Variants in DLGAP2 observed in about 807,000 individuals in gnomAD.
The protein encoded by DLGAP2 is DLG associated protein 2, also known as disks large-associated protein 2.
DLGAP2 carries 26 observed loss-of-function variants against 100.3 expected under a neutral mutation model. The observed-to-expected ratio is 0.26, with a 90% CI of 0.19 to 0.36. The LOEUF (loss-of-function observed/expected upper bound fraction) is 0.36, where lower values mean the gene tolerates loss of function less well. DLGAP2 is among the 10% of genes least tolerant of loss of function. The pLI, the probability that DLGAP2 is intolerant of heterozygous loss-of-function variation, is 1.00. For synonymous variants in DLGAP2, 886 were observed against 630.1 expected, an observed-to-expected ratio of 1.41 and a Z score of -6.08; for missense variants, 1,858 against 1,453.2, an observed-to-expected ratio of 1.28 and a Z score of -4.53.
chr8:975,285 G>A (rs1196580966), intron 2 of DLGAP2, among the ~76,000 whole-genome samples: 1 of 152,078 alleles, frequency 6.6e-6, no homozygotes, highest in Non-Finnish European at 1.5e-5. Context: ...AAGCCCGCAT[G>A]GGTTCATTGG....
intron 2 of DLGAP2, among the ~76,000 whole-genome samples, chr8:1,050,518 C>T (rs1802647644): frequency 6.6e-6 from 1 of 152,130 alleles, no homozygotes; most frequent in African/African-American, 2.4e-5. Context: ...TGACTTACGG[C>T]ATTTTCAGCT....
At chr8:1,453,693 G>T (rs950597777) in intron 3 of DLGAP2, among the ~76,000 whole-genome samples, 4 of 152,236 alleles carry the variant, frequency 2.6e-5, no homozygotes, top group South Asian at 4.2e-4. Context: ...CTGAGAAGCG[G>T]GAGAATCCGC....
intron 2 of DLGAP2, among the ~76,000 whole-genome samples, chr8:1,074,659 G>A (rs1232732239): frequency 6.6e-6 from 1 of 152,194 alleles, no homozygotes; most frequent in Non-Finnish European, 1.5e-5. Context: ...TGTGAATTAG[G>A]TGGAAAATGG....
chr8:1,425,482 A>G (rs1797212723), intron 3 of DLGAP2, among the ~76,000 whole-genome samples: 1 of 152,188 alleles, frequency 6.6e-6, no homozygotes, highest in Admixed American at 6.5e-5. Context: ...TCTGATGGGA[A>G]CACTGTGCTT....
At chr8:1,577,255 C>T (rs1157181032) in intron 6 of DLGAP2, among the ~76,000 whole-genome samples, 3 of 152,098 alleles carry the variant, frequency 2.0e-5, no homozygotes, top group African/African-American at 7.2e-5. Flanking sequence ...AATACACATA[C>T]TTTGTCAATA....
At chr8:1,001,387 CT>C (rs906411958) in intron 2 of DLGAP2, among the ~76,000 whole-genome samples, 1 of 152,172 alleles carries the variant, frequency 6.6e-6, no homozygotes, top group African/African-American at 2.4e-5. Context: ...AATTTTTATC[CT>C]TTTTAGGCCA....
At chr8:1,591,286 AC>A (rs1796282105) in intron 6 of DLGAP2, among the ~76,000 whole-genome samples, 2 of 140,814 alleles carry the variant, frequency 1.4e-5, no homozygotes, top group South Asian at 2.3e-4. Context: ...GGTCACTCAC[AC>A]CCCCTCCCCC....
chr8:1,431,785 GA>G (rs914475331), intron 3 of DLGAP2, among the ~76,000 whole-genome samples: 8 of 152,206 alleles, frequency 5.3e-5, no homozygotes, highest in African/African-American at 1.7e-4. Flanking sequence ...TTTGTAAAAT[GA>G]AGACACTGAT....
At chr8:826,690 C>T (rs1430895030) in intron 1 of DLGAP2, among the ~76,000 whole-genome samples, 1 of 152,014 alleles carries the variant, frequency 6.6e-6, no homozygotes, top group Non-Finnish European at 1.5e-5. Context: ...CCTTCTCTGC[C>T]CGTCTGTGCT....
At chr8:1,151,552 G>T (rs565127113) in intron 2 of DLGAP2, among the ~76,000 whole-genome samples, 1 of 152,314 alleles carries the variant, frequency 6.6e-6, no homozygotes, top group Non-Finnish European at 1.5e-5. Context: ...CGTCTCTGAC[G>T]ATTCCGGTTG....
At chr8:1,285,716 C>T (rs1247282757) in intron 3 of DLGAP2, among the ~76,000 whole-genome samples, 1 of 152,194 alleles carries the variant, frequency 6.6e-6, no homozygotes, top group African/African-American at 2.4e-5. Context: ...TGCCTGTAAT[C>T]CCAATACTTT....
intron 4 of DLGAP2, among the ~76,000 whole-genome samples, chr8:1,538,935 G>C (rs1461247380): frequency 9.6e-5 from 14 of 146,306 alleles, no homozygotes. Context: ...GCCTAGGCTG[G>C]AATGCAATGG....
At chr8:881,656 CT>C (rs942526817) in intron 1 of DLGAP2, among the ~76,000 whole-genome samples, 1 of 65,964 alleles carries the variant, frequency 1.5e-5, no homozygotes, top group Non-Finnish European at 4.1e-5. Context: ...CACGCCACCA[CT>C]TGTGGCTGAA....
chr8:883,628 C>G (rs1193227778), intron 1 of DLGAP2, among the ~76,000 whole-genome samples: 1 of 151,562 alleles, frequency 6.6e-6, no homozygotes, highest in African/African-American at 2.4e-5. Context: ...CGGTTCGTTA[C>G]GTAGGAGCGC....
At chr8:1,657,220 ATC>A (rs1367434133) in intron 8 of DLGAP2, among the ~76,000 whole-genome samples, 1 of 152,208 alleles carries the variant, frequency 6.6e-6, no homozygotes, top group African/African-American at 2.4e-5. Flanking sequence ...TTGTTTAGTA[ATC>A]TCTGTCTCTG....
chr8:917,673 C>G (rs1004405865), intron 2 of DLGAP2, among the ~76,000 whole-genome samples: 1 of 152,174 alleles, frequency 6.6e-6, no homozygotes, highest in African/African-American at 2.4e-5. Context: ...CTCCACCTCC[C>G]AGGTTCAAAT....
intron 8 of DLGAP2, among the ~76,000 whole-genome samples, chr8:1,655,604 A>T (rs13277778): frequency 1.0e-5 from 1 of 96,664 alleles, no homozygotes; most frequent in Non-Finnish European, 2.3e-5. Context: ...ATAATTAAAC[A>T]TGTGTTTAAA....
chr8:1,249,626 C>A (rs1585190822), intron 2 of DLGAP2, among the ~76,000 whole-genome samples: 1 of 152,126 alleles, frequency 6.6e-6, no homozygotes, highest in Non-Finnish European at 1.5e-5. Context: ...TTTTCCTGAA[C>A]TGAATGAAAG....
intron 2 of DLGAP2, among the ~76,000 whole-genome samples, chr8:1,243,772 A>G (rs1798847960): frequency 6.6e-6 from 1 of 152,096 alleles, no homozygotes; most frequent in Non-Finnish European, 1.5e-5. Context: ...CTCTTCTCTC[A>G]GGTGGGCCAC....
Sources: gnomAD v4.1 joint callset for allele counts (sites outside exome capture counted in the v4.1 genomes callset) on GRCh38, gnomAD v4.1.1 for gene constraint, MANE v1.5 for transcripts, NCBI Gene and HGNC (gene_info 2026-07-23, HGNC 2026-07-21) for gene names.